The following TCEA2 variants were observed in gnomAD, a reference collection of about 807,000 sequenced individuals.
The protein encoded by TCEA2 is transcription elongation factor A2.
In TCEA2, 21 loss-of-function variants were observed where a neutral mutation model predicts 40.8. The observed-to-expected ratio is 0.51, with a 90% CI of 0.36 to 0.74. The LOEUF (loss-of-function observed/expected upper bound fraction) is 0.74, where lower values mean the gene tolerates loss of function less well. TCEA2 is among the 30% of genes least tolerant of loss of function. The probability of loss-of-function intolerance (pLI) is 0.00; values close to 1 mark genes in which losing one functional copy is unlikely to be tolerated. For synonymous variants in TCEA2, 165 were observed against 162.7 expected, an observed-to-expected ratio of 1.01 and a Z score of -0.11; for missense variants, 326 against 426.5, an observed-to-expected ratio of 0.76 and a Z score of 2.08.
Position 64,063,219 on chromosome 20 carries a change from C to T in TCEA2, c.-94C>T, listed in dbSNP as rs1480089932. ...GTCCGCGGCGGGGCTGCGTCGGCTG[C>T]GGCGGGTGTGGGAGGTGGCGACGGC... On this transcript the variant is annotated 5_prime_UTR_variant, in exon 1 of 10. Transcript: ENST00000343484. 27 of 1,115,846 alleles carry T rather than the reference C, an allele frequency of 2.4e-5. No homozygotes were observed. The highest frequency in any genetic ancestry group is 2.9e-5 in the Non-Finnish European group (25 of 869,186). The allele number at this position is 1,115,846 out of a possible 1,614,324, so 69.1% of individuals were successfully genotyped here.
intron 1 of TCEA2, among the ~76,000 whole-genome samples, chr20:64,065,360 C>T (rs543954803): frequency 6.6e-6 from 1 of 152,308 alleles, no homozygotes; most frequent in South Asian, 2.1e-4. Context: ...CAAGCCCCTC[C>T]CATGGCCTGT....
intron 9 of TCEA2, 112 bp from the exon 10 acceptor site, chr20:64,072,060 A>G: frequency 6.3e-7 from 1 of 1,595,042 alleles, no homozygotes; most frequent in Non-Finnish European, 8.6e-7. Context: ...GCCTCCTGGG[A>G]GTCTTGGGCA....
At chr20:64,068,019 A>G (rs775356531) in intron 3 of TCEA2, 28 bp from the exon 4 acceptor site, 1 of 1,574,712 alleles carries the variant, frequency 6.4e-7, no homozygotes, top group Non-Finnish European at 8.7e-7. Flanking sequence ...CCTCCCCTTG[A>G]TCAGCCCATC....
upstream of TCEA2, among the ~76,000 whole-genome samples, chr20:64,056,138 T>C (rs2059471058): frequency 6.6e-6 from 1 of 152,124 alleles, no homozygotes; most frequent in African/African-American, 2.4e-5. Context: ...CCAGCGTTGC[T>C]TCTGTGGGAG....
chr20:64,059,940 C>T (rs1004137028), upstream of TCEA2, among the ~76,000 whole-genome samples: 3 of 152,132 alleles, frequency 2.0e-5, no homozygotes, highest in Non-Finnish European at 2.9e-5. Context: ...GGGGAGCGGC[C>T]TCACTGCTGG....
intron 1 of TCEA2, 160 bp downstream of exon 1, chr20:64,063,544 C>G: frequency 1.2e-6 from 1 of 829,046 alleles, no homozygotes; most frequent in Non-Finnish European, 1.8e-6. Context: ...CCACCCGTGG[C>G]CGAGACCCCT....
At chr20:64,061,094 G>GTAT (rs1427960508), upstream of TCEA2, among the ~76,000 whole-genome samples, 1 of 65,426 alleles carries the variant, frequency 1.5e-5, no homozygotes, top group Non-Finnish European at 2.9e-5. Context: ...CCCAGCCTGA[G>GTAT]TCTTTTTTTT....
intron 5 of TCEA2, 72 bp from the exon 6 acceptor site, chr20:64,069,693 G>A: frequency 6.4e-7 from 1 of 1,566,096 alleles, no homozygotes; most frequent in Non-Finnish European, 8.7e-7. Context: ...AGCTGCCAGG[G>A]TGTTTTGCAG....
At chr20:64,070,861 G>A (rs931878372) in intron 8 of TCEA2, among the ~76,000 whole-genome samples, 5 of 152,344 alleles carry the variant, frequency 3.3e-5, no homozygotes, top group South Asian at 2.1e-4. Context: ...CACTTGTTGC[G>A]GATACTCAAG....
At chr20:64,059,295 G>A (rs1220576086), upstream of TCEA2, among the ~76,000 whole-genome samples, 1 of 151,680 alleles carries the variant, frequency 6.6e-6, no homozygotes, top group African/African-American at 2.4e-5. Flanking sequence ...GGATTGTTGA[G>A]ACGCCTCGCA....
At chr20:64,069,902 C>T in intron 6 of TCEA2, 81 bp downstream of exon 6, 1 of 1,526,582 alleles carries the variant, frequency 6.6e-7, no homozygotes, top group Non-Finnish European at 9.0e-7. Flanking sequence ...CTGGTGGCTG[C>T]TGGATGCCAC....
chr20:64,066,573 C>G (rs995695615), intron 2 of TCEA2, 35 bp downstream of exon 2: 11 of 1,606,604 alleles, frequency 6.8e-6, no homozygotes, highest in South Asian at 1.1e-5. Flanking sequence ...CAGGACAGCT[C>G]CTGGGTGCAG....
At chr20:64,068,246 G>C (rs550825096) in intron 4 of TCEA2, 112 bp downstream of exon 4, 32 of 958,284 alleles carry the variant, frequency 3.3e-5, no homozygotes, top group South Asian at 1.9e-4. Flanking sequence ...GCTGCACACA[G>C]AGTCGGTCAG....
At chr20:64,055,702 C>T (rs1330889549), upstream of TCEA2, among the ~76,000 whole-genome samples, 1 of 152,084 alleles carries the variant, frequency 6.6e-6, no homozygotes, top group African/African-American at 2.4e-5. The surrounding 1 kb of genome is among the most constrained non-coding windows in gnomAD (Gnocchi z 4.0). Flanking sequence ...TGTGATCTGC[C>T]TCAGCTCAGC....
intron 3 of TCEA2, 97 bp downstream of exon 3, chr20:64,067,117 C>T: frequency 1.5e-6 from 2 of 1,308,924 alleles, no homozygotes; most frequent in Non-Finnish European, 2.1e-6. Flanking sequence ...GCAGTGTCCA[C>T]CCTGAGCCAG....
At chr20:64,059,308 G>C (rs368995719), upstream of TCEA2, among the ~76,000 whole-genome samples, 1 of 151,646 alleles carries the variant, frequency 6.6e-6, no homozygotes, top group Admixed American at 6.6e-5. Flanking sequence ...GCCTCGCACT[G>C]TTCCCTCCCA....
chr20:64,069,257 TTGG>T (rs2059768228), intron 4 of TCEA2, 101 bp from the exon 5 acceptor site: 23 of 1,438,268 alleles, frequency 1.6e-5, no homozygotes, highest in Non-Finnish European at 2.0e-5. Context: ...CAAGCAGGGG[TTGG>T]TGGGGGATTA....
rs998658934 is a variant in TCEA2 at position 64,063,252 on chromosome 20, G to C, written c.-61G>C. On this transcript the variant is annotated 5_prime_UTR_variant, in exon 1 of 10. Coordinates refer to ENST00000343484, the MANE Select transcript of TCEA2 (RefSeq NM_003195.6). ...GTGGGAGGTGGCGACGGCCGGGGCC[G>C]GGGTCCTGCCCGGCTGCGGAGGCGG... The C allele has an allele frequency of 2.4e-5, 35 of 1,437,948 alleles. 1 individual carries two copies. In the South Asian group the frequency reaches 3.2e-4, roughly 13 times the overall value. The allele number at this position is 1,437,948 out of a possible 1,614,324, so 89.1% of individuals were successfully genotyped here.
chr20:64,060,001 G>A (rs187711134), upstream of TCEA2, among the ~76,000 whole-genome samples: 113 of 152,246 alleles, frequency 7.4e-4, no homozygotes, highest in African/African-American at 2.0e-3. Flanking sequence ...CCCAGACCCC[G>A]CCCCACCAAC....
Sources: gnomAD v4.1 joint callset for allele counts (sites outside exome capture counted in the v4.1 genomes callset) on GRCh38, gnomAD v4.1.1 for gene constraint, Gnocchi (gnomAD v3.1) non-coding constraint, MANE v1.5 for transcripts, NCBI Gene and HGNC (gene_info 2026-07-23, HGNC 2026-07-21) for gene names.